Variants in CUX2 observed in about 807,000 individuals in gnomAD.
The protein encoded by CUX2 is cut like homeobox 2.
Under a neutral mutation model 144.8 loss-of-function variants are expected in CUX2, and 40 were observed. That is an observed-to-expected ratio of 0.28 (90% confidence interval 0.21 to 0.36). CUX2 has a LOEUF of 0.36. Among genes scored for constraint, CUX2 ranks in the 10% least tolerant of loss-of-function variants. The pLI is 1.00. For synonymous variants in CUX2, 827 were observed against 875.6 expected (o/e 0.94, Z 0.98); for missense variants, 1,615 against 1,994.0 (o/e 0.81, Z 3.62).
intron 1 of CUX2, among the ~76,000 whole-genome samples, chr12:111,156,480 C>A (rs1382777496): frequency 6.6e-6 from 1 of 152,184 alleles, no homozygotes; most frequent in Non-Finnish European, 1.5e-5. Flanking sequence ...CTCAGCCAGT[C>A]ATGAAGGTGA....
chr12:111,224,451 C>G (rs1015883857), intron 3 of CUX2, among the ~76,000 whole-genome samples: 6 of 151,914 alleles, frequency 3.9e-5, no homozygotes, highest in East Asian at 1.9e-4. Context: ...CCTGTGCCCC[C>G]CTTCTGCTCC....
intron 1 of CUX2, among the ~76,000 whole-genome samples, chr12:111,108,340 A>C (rs574128300): frequency 1.3e-5 from 2 of 152,264 alleles, no homozygotes; most frequent in African/African-American, 4.8e-5. Context: ...TGTAACTAAT[A>C]AGTGCTTGTG....
chr12:111,184,221 C>A (rs1039232072), intron 1 of CUX2, among the ~76,000 whole-genome samples: 8 of 152,094 alleles, frequency 5.3e-5, no homozygotes, highest in African/African-American at 1.9e-4. Context: ...TATGTGACTA[C>A]CAAGATGTAC....
intron 4 of CUX2, among the ~76,000 whole-genome samples, chr12:111,283,698 A>C (rs905904073): frequency 6.6e-6 from 1 of 151,760 alleles, no homozygotes; most frequent in African/African-American, 2.4e-5. Flanking sequence ...CCTTTCTCTA[A>C]GCGTGTCTTT....
At chr12:111,262,271 G>A (rs1884165947) in intron 3 of CUX2, among the ~76,000 whole-genome samples, 1 of 152,166 alleles carries the variant, frequency 6.6e-6, no homozygotes, top group Non-Finnish European at 1.5e-5. Flanking sequence ...AGGTGCTCAG[G>A]AAACATTTGT....
intron 3 of CUX2, among the ~76,000 whole-genome samples, chr12:111,235,061 C>G (rs1004786615): frequency 6.6e-6 from 1 of 152,126 alleles, no homozygotes; most frequent in African/African-American, 2.4e-5. Flanking sequence ...ATCAATAAAA[C>G]GGTACCTAGT....
chr12:111,304,128 A>T lies in CUX2; in HGVS notation c.754-82A>T, dbSNP rs777373252. 8.4e-7 allele frequency: 1 copy of T among 1,185,440 alleles called. No homozygotes were observed. The highest frequency in any genetic ancestry group is 2.0e-5 in the Admixed American group (1 of 49,586). 73.4% of individuals were successfully genotyped at this position (1,185,440 alleles called of 1,614,324 possible). ...AGGCCCTCGGAGGTCTGCCTCCCCAACCCCTGCCTGAAACAGTGCAGGGAG... is the reference window on the plus strand; with the variant it reads ...AGGCCCTCGGAGGTCTGCCTCCCCATCCCCTGCCTGAAACAGTGCAGGGAG... On this transcript the variant is annotated intron_variant, in intron 9 of 21. Transcript: ENST00000261726. This position sits in a 1 kb window ranked among gnomAD's most constrained non-coding sequence, Gnocchi z 4.7.
At chr12:111,049,543 G>C (rs997664531) in intron 1 of CUX2, among the ~76,000 whole-genome samples, 1 of 152,254 alleles carries the variant, frequency 6.6e-6, no homozygotes, top group African/African-American at 2.4e-5. Context: ...GGGAACAAGA[G>C]GGGAGACAAA....
chr12:111,339,018 A>C (rs1241264263), intron 20 of CUX2, among the ~76,000 whole-genome samples: 1 of 152,134 alleles, frequency 6.6e-6, no homozygotes, highest in Non-Finnish European at 1.5e-5. Flanking sequence ...AGATCACCTG[A>C]GGTCGGGAGT....
chr12:111,244,144 C>T (rs1176547097), intron 3 of CUX2, among the ~76,000 whole-genome samples: 2 of 151,936 alleles, frequency 1.3e-5, no homozygotes, highest in Non-Finnish European at 2.9e-5. Context: ...AGGCTGGTCT[C>T]GAAATCCTGG....
intron 4 of CUX2, among the ~76,000 whole-genome samples, chr12:111,278,867 A>C (rs1453324022): frequency 6.6e-6 from 1 of 152,228 alleles, no homozygotes; most frequent in African/African-American, 2.4e-5. Context: ...TGCCCGGCAG[A>C]GCATTCTCCT....
chr12:111,119,138 A>AT (rs564007503), intron 1 of CUX2, among the ~76,000 whole-genome samples: 177 of 152,258 alleles, frequency 1.2e-3, no homozygotes, highest in Admixed American at 5.2e-3. Flanking sequence ...GATGGTAAAT[A>AT]TTTTTTACAT....
At position 111,034,511 on chromosome 12, in the gene CUX2, A is replaced by T. The variant is rs1486565454; in HGVS notation, c.63+271A>T. 2.0e-5 allele frequency among the ~76,000 whole-genome samples: 3 copies of T among 151,572 alleles called. No individual in the cohort carries two copies. Among genetic ancestry groups the T allele is most frequent in the East Asian group, 1.9e-4 (1 of 5,138 alleles). ...CGGTCGGCGGAGCGGCCGAGCGGCC[A>T]GGCGGCCGGGCGAGGAGCGGGGAAG... On this transcript the variant is annotated intron_variant, in intron 1 of 21. Transcript: ENST00000261726. This position sits in a 1 kb window ranked among gnomAD's most constrained non-coding sequence, Gnocchi z 4.2.
chr12:111,216,370 A>C (rs1257387939), intron 2 of CUX2, among the ~76,000 whole-genome samples: 1 of 152,102 alleles, frequency 6.6e-6, no homozygotes, highest in Non-Finnish European at 1.5e-5. Context: ...TCCAGAACTA[A>C]TGTTTCCTGA....
At chr12:111,098,756 C>T (rs746450531) in intron 1 of CUX2, among the ~76,000 whole-genome samples, 1 of 152,240 alleles carries the variant, frequency 6.6e-6, no homozygotes, top group Non-Finnish European at 1.5e-5. Flanking sequence ...TCCTGATTCC[C>T]TTTCTCTTCG....
intron 1 of CUX2, among the ~76,000 whole-genome samples, chr12:111,046,134 G>A (rs1187631295): frequency 2.0e-5 from 3 of 151,876 alleles, no homozygotes; most frequent in South Asian, 4.2e-4. Context: ...CTCCCAGCCC[G>A]GCCCACCCGG....
chr12:111,346,975 G>A (rs1819440289), intron 21 of CUX2, among the ~76,000 whole-genome samples: 1 of 152,190 alleles, frequency 6.6e-6, no homozygotes, highest in African/African-American at 2.4e-5. Flanking sequence ...TCGCACCACT[G>A]CACTGCAGCC....
intron 1 of CUX2, among the ~76,000 whole-genome samples, chr12:111,133,808 C>T (rs1394788699): frequency 5.9e-5 from 9 of 152,086 alleles, no homozygotes; most frequent in Non-Finnish European, 1.2e-4. Flanking sequence ...AGGGTTAATT[C>T]CCTCAGTAGG....
chr12:111,114,008 A>G (rs1443880954), intron 1 of CUX2, among the ~76,000 whole-genome samples: 1 of 152,190 alleles, frequency 6.6e-6, no homozygotes, highest in Non-Finnish European at 1.5e-5. Context: ...TGTTCAAGTC[A>G]TTTGCAGTTT....
Sources: gnomAD v4.1 joint callset for allele counts (sites outside exome capture counted in the v4.1 genomes callset) on GRCh38, gnomAD v4.1.1 for gene constraint, Gnocchi (gnomAD v3.1) non-coding constraint, MANE v1.5 for transcripts, NCBI Gene and HGNC (gene_info 2026-07-23, HGNC 2026-07-21) for gene names.